Variants in SMARCD3 observed in about 807,000 individuals in gnomAD.
SMARCD3 encodes the protein SWI/SNF-related matrix-associated actin-dependent regulator of chromatin subfamily D member 3.
A neutral mutation model predicts 58.0 loss-of-function variants in SMARCD3; 14 were observed. The ratio of observed to expected loss-of-function variants is 0.24; its 90% CI spans 0.16 to 0.38. SMARCD3 has a LOEUF of 0.38. Among genes scored for constraint, SMARCD3 ranks in the 10% least tolerant of loss-of-function variants. SMARCD3 has a pLI of 1.00. For missense variants in SMARCD3, 408 were observed against 636.9 expected, an observed-to-expected ratio of 0.64 and a Z score of 3.87; for synonymous variants, 253 against 253.8, an observed-to-expected ratio of 1.00 and a Z score of 0.03.
Position 151,241,522 on chromosome 7 carries a change from T to G in SMARCD3, c.909A>C (p.Glu303Asp), listed in dbSNP as rs144383962. 6.2e-7 allele frequency: 1 copy of G among 1,612,494 alleles called. No homozygotes were observed. Residue 303 changes from glutamate (E) to aspartate (D), a missense_variant, in exon 8 of 13, where the codon GAA (glutamate) becomes GAC (aspartate). By Grantham distance (45) the Glu-to-Asp change is conservative. This residue lies in a region of SMARCD3 where 115 missense variants were observed against 257.2 expected (regional missense o/e 0.45). Transcript: ENST00000262188. The surrounding 1 kb of genome is among the most constrained non-coding windows in gnomAD (Gnocchi z 5.3). ...TNRLQDSHDK[E>D]YINGDKYFQQ... is the part of the protein sequence containing the mutation. ...GGAAATACTTGTCCCCATTGATGTA[T>G]TCCTTGTCATGGGAGTCCTGCAGCC...
In SMARCD3 at chr7:151,245,635, G is replaced by T; in HGVS notation, c.115C>A (p.Gln39Lys). The T allele has an allele frequency of 1.7e-6, 2 of 1,187,498 alleles. No homozygotes were observed. The highest frequency in any genetic ancestry group is 2.1e-6 in the Non-Finnish European group (2 of 948,074). The allele number at this position is 1,187,498 out of a possible 1,614,324, so 73.6% of individuals were successfully genotyped here. Residue 39 changes from glutamine (Q) to lysine (K), a missense_variant, in exon 2 of 13, where the codon CAG becomes AAG. By Grantham distance (53) the Gln-to-Lys change is moderately conservative (BLOSUM62 1). Transcript: ENST00000262188. This position sits in a 1 kb window ranked among gnomAD's most constrained non-coding sequence, Gnocchi z 6.2. ...GMPSGARMPH[Q>K]GAPMGPPGSP... ...CCCGGGGGGCCCATGGGCGCCCCCT[G>T]GTGGGGCATCCGGGCTCCAGACGGC...
At chr7:151,257,226 C>T (rs964075298) in intron 2 of SMARCD3, among the ~76,000 whole-genome samples, 17 of 152,080 alleles carry the variant, frequency 1.1e-4, no homozygotes, top group African/African-American at 4.1e-4. Flanking sequence ...ACTTATCCTA[C>T]AGGTTGCTGC....
Position 151,242,314 on chromosome 7 carries a change from A to G in SMARCD3, c.580-82T>C. 1 of 1,396,302 alleles carries G rather than the reference A, an allele frequency of 7.2e-7. No homozygotes were observed. Among genetic ancestry groups the G allele is most frequent in the East Asian group, 2.3e-5 (1 of 43,808 alleles). The allele number at this position is 1,396,302 out of a possible 1,614,324, so 86.5% of individuals were successfully genotyped here. A position where few individuals can be genotyped will look rare whatever the true frequency, so the allele number is the denominator to read the frequency against. The stretch of plus-strand genomic sequence containing the variant: ...GAAGGAGGCCAAGTTGGCAGCCGAC[A>G]GGGCAGTGGGCTTAGATGAAATCCT... On this transcript the variant is annotated intron_variant, in intron 5 of 12. Transcript: ENST00000262188. The surrounding 1 kb of genome is among the most constrained non-coding windows in gnomAD (Gnocchi z 4.7).
rs1046982459 is a variant in SMARCD3 at position 151,245,471 on chromosome 7, C to T, written c.279G>A (p.Ala93=). Residue 93 remains alanine (A), a synonymous_variant, in exon 2 of 13, where the codon GCG becomes GCA. Transcript: ENST00000262188. This position sits in a 1 kb window ranked among gnomAD's most constrained non-coding sequence, Gnocchi z 6.2. The part of the protein sequence containing the change: ...SQGQPVPTAP[A]RSRSAKRRKM... ...GGCCTCCCACTCACCTGCGGCTCCG[C>T]GCGGGGGCGGTGGGCACCGGCTGGC... is the stretch of plus-strand genomic sequence containing the variant. 15 of 1,219,286 alleles carry T rather than the reference C, an allele frequency of 1.2e-5. No homozygotes were observed. In the African/African-American group the frequency reaches 1.7e-4, roughly 14 times the overall value. The allele number at this position is 1,219,286 out of a possible 1,614,324, so 75.5% of individuals were successfully genotyped here. A position where few individuals can be genotyped will look rare whatever the true frequency, so the allele number is the denominator to read the frequency against.
chr7:151,273,706 C>T (rs1313640039), intron 2 of SMARCD3, among the ~76,000 whole-genome samples: 4 of 152,214 alleles, frequency 2.6e-5, no homozygotes, highest in African/African-American at 7.2e-5. Context: ...TGGACTGGGG[C>T]TTCAGGTGTG....
chr7:151,252,391 C>G (rs1286811834), upstream of SMARCD3, among the ~76,000 whole-genome samples: 1 of 151,842 alleles, frequency 6.6e-6, no homozygotes, highest in Non-Finnish European at 1.5e-5. Context: ...TAGGAGAATA[C>G]GATCACCCTC....
intron 2 of SMARCD3, among the ~76,000 whole-genome samples, chr7:151,270,364 G>A (rs1398945732): frequency 6.6e-6 from 1 of 152,262 alleles, no homozygotes; most frequent in East Asian, 1.9e-4. Context: ...GGGATCTGGG[G>A]CTCATTTTAG....
At position 151,246,470 on chromosome 7, in the gene SMARCD3, G is replaced by A. The variant is rs1024048882; in HGVS notation, c.79-799C>T. Reference sequence around the variant, plus strand: ...GCTGGGGCGCCCCAGACACAGCCAGGATTCTCTGATTGGGAGGAGGGGAAC... The same window carrying A: ...GCTGGGGCGCCCCAGACACAGCCAGAATTCTCTGATTGGGAGGAGGGGAAC... On this transcript the variant is annotated intron_variant, in intron 1 of 12. Coordinates refer to ENST00000262188, the MANE Select transcript of SMARCD3 (RefSeq NM_001003801.2). This position sits in a 1 kb window ranked among gnomAD's most constrained non-coding sequence, Gnocchi z 4.4. Among the ~76,000 whole-genome samples, 19 of 152,296 alleles carry A rather than the reference G, an allele frequency of 1.2e-4. No individual in the cohort carries two copies. The highest frequency in any genetic ancestry group is 4.3e-4 in the African/African-American group (18 of 41,570).
At position 151,262,225 on chromosome 7, in the gene SMARCD3, C is replaced by A. The variant is rs984407400; in HGVS notation, c.39+12889G>T. Among the ~76,000 whole-genome samples the A allele has an allele frequency of 1.4e-4, 21 of 152,210 alleles. No individual in the cohort carries two copies. In the South Asian group the frequency reaches 4.4e-3, roughly 32 times the overall value. ...CCTCCTGAGTAGCTGGGACTACAGG[C>A]ACATGCCACCATGCCCGGCCAATTT... On this transcript the variant is annotated intron_variant, in intron 2 of 13. Transcript: ENST00000356800.
rs1210403308 is a variant in SMARCD3 at position 151,246,405 on chromosome 7, C to T, written c.79-734G>A. 6.6e-6 allele frequency among the ~76,000 whole-genome samples: 1 copy of T among 152,152 alleles called. No individual in the cohort carries two copies. Among genetic ancestry groups the T allele is most frequent in the Non-Finnish European group, 1.5e-5 (1 of 68,010 alleles). Reference sequence around the variant, plus strand: ...ACCAAGCTGCCCCCATAATTTGCTCCCAGGGTGAGGGCTGGAGGCAGGGCA... The same window carrying T: ...ACCAAGCTGCCCCCATAATTTGCTCTCAGGGTGAGGGCTGGAGGCAGGGCA... On this transcript the variant is annotated intron_variant, in intron 1 of 12. Transcript: ENST00000262188. The surrounding 1 kb of genome is among the most constrained non-coding windows in gnomAD (Gnocchi z 4.4).
upstream of SMARCD3, among the ~76,000 whole-genome samples, chr7:151,249,162 G>A (rs867937294): frequency 1.7e-4 from 26 of 152,094 alleles, no homozygotes; most frequent in Middle Eastern, 3.4e-3. The surrounding 1 kb of genome is among the most constrained non-coding windows in gnomAD (Gnocchi z 4.8). Flanking sequence ...CTGGCAGGCC[G>A]AGCAGGGAAA....
intron 2 of SMARCD3, among the ~76,000 whole-genome samples, chr7:151,258,507 G>A (rs1015922676): frequency 6.7e-6 from 1 of 149,104 alleles, no homozygotes. Context: ...AGAGGTTGCA[G>A]TGAGCCAAGA....
At chr7:151,261,532 G>C (rs920953041) in intron 2 of SMARCD3, among the ~76,000 whole-genome samples, 3 of 152,202 alleles carry the variant, frequency 2.0e-5, no homozygotes, top group African/African-American at 7.2e-5. Context: ...TGGATGTGAA[G>C]ATTAAAATGT....
intron 2 of SMARCD3, among the ~76,000 whole-genome samples, chr7:151,257,057 A>G (rs1803723820): frequency 6.6e-6 from 1 of 152,050 alleles, no homozygotes; most frequent in Non-Finnish European, 1.5e-5. Context: ...TTCATTTTTT[A>G]TTACTTTTTA....
chr7:151,240,006 T>TTTA, intron 10 of SMARCD3, 106 bp downstream of exon 10: 3 of 1,140,478 alleles, frequency 2.6e-6, no homozygotes, highest in Non-Finnish European at 3.7e-6. Context: ...TTTTTTTTTT[T>TTTA]AATTTAACCC....
rs1260775955 is a variant in SMARCD3 at position 151,240,589 on chromosome 7, C to T, written c.940-67G>A. On this transcript the variant is annotated intron_variant, in intron 8 of 12. Transcript: ENST00000262188. Reference sequence around the variant, plus strand: ...AAGAGATCATCATGCAGTTGTAGATCCTTTTGTTCTAGAAAGGCCACAAGA... The same window carrying T: ...AAGAGATCATCATGCAGTTGTAGATTCTTTTGTTCTAGAAAGGCCACAAGA... 4 of 1,197,112 alleles carry T rather than the reference C, an allele frequency of 3.3e-6. No homozygotes were observed. In the Admixed American group the frequency reaches 8.1e-5, roughly 24 times the overall value. 74.2% of individuals were successfully genotyped at this position (1,197,112 alleles called of 1,614,324 possible). A position where few individuals can be genotyped will look rare whatever the true frequency, so the allele number is the denominator to read the frequency against.
chr7:151,243,160 C>A lies in SMARCD3; in HGVS notation c.334-317G>T, dbSNP rs1803083559. ...CTCCTCATCTTGTCATTGTCCATAT[C>A]ATATGCCTGCTGGGCTTCCCCTGGG... On this transcript the variant is annotated intron_variant, in intron 3 of 12. Coordinates refer to ENST00000262188, the MANE Select transcript of SMARCD3 (RefSeq NM_001003801.2). This position sits in a 1 kb window ranked among gnomAD's most constrained non-coding sequence, Gnocchi z 4.4. Among the ~76,000 whole-genome samples the A allele has an allele frequency of 6.6e-6, 1 of 152,190 alleles. No homozygotes were observed. Among genetic ancestry groups the A allele is most frequent in the African/African-American group, 2.4e-5 (1 of 41,438 alleles).
chr7:151,251,405 T>G (rs1367579930), upstream of SMARCD3, among the ~76,000 whole-genome samples: 1 of 152,108 alleles, frequency 6.6e-6, no homozygotes, highest in Non-Finnish European at 1.5e-5. Flanking sequence ...CTTGAGCACC[T>G]CCACATCCCG....
intron 2 of SMARCD3, among the ~76,000 whole-genome samples, chr7:151,273,605 G>A (rs1229939315): frequency 2.0e-5 from 3 of 152,208 alleles, no homozygotes; most frequent in Admixed American, 6.5e-5. Context: ...ACCACAAACT[G>A]AGCAACCAGT....
Sources: allele counts gnomAD v4.1 joint callset (sites outside exome capture counted in the v4.1 genomes callset), GRCh38; gene constraint gnomAD v4.1.1; regional missense constraint gnomAD v4.1.1; non-coding constraint Gnocchi (gnomAD v3.1); transcripts MANE v1.5; gene names NCBI Gene and HGNC (gene_info 2026-07-23, HGNC 2026-07-21).